The following CHD9 variants were observed in gnomAD, a reference collection of about 807,000 sequenced individuals.
CHD9 encodes the protein chromodomain helicase DNA binding protein 9, also known as ATP-dependent chromatin remodeler CHD9.
A neutral mutation model predicts 316.1 loss-of-function variants in CHD9; 77 were observed. The observed-to-expected ratio is 0.24, with a 90% CI of 0.20 to 0.29. The LOEUF is 0.29. CHD9 is among the 10% of genes least tolerant of loss of function. CHD9 has a pLI of 1.00. For synonymous variants in CHD9, 1,129 were observed against 1,158.3 expected, an observed-to-expected ratio of 0.97 and a Z score of 0.51; for missense variants, 2,763 against 3,438.1, an observed-to-expected ratio of 0.80 and a Z score of 4.91.
intron 34 of CHD9, chr16:53,310,848 T>C (rs1469513047): frequency 7.5e-6 from 1 of 134,028 alleles, no homozygotes; most frequent in African/African-American, 3.0e-5. Context: ...CGAAACCCTG[T>C]CTCAAAAACA....
At position 53,071,715 on chromosome 16, in the gene CHD9, G is replaced by A. The variant is rs768188061; in HGVS notation, c.-165+16638G>A. Among the ~76,000 whole-genome samples, 7 of 152,224 alleles carry A rather than the reference G, an allele frequency of 4.6e-5. 1 individual carries two copies. In the South Asian group the frequency reaches 8.3e-4, roughly 18 times the overall value. On this transcript the variant is annotated intron_variant, in intron 1 of 38. Coordinates refer to ENST00000447540, the MANE Select transcript of CHD9 (RefSeq NM_001308319.2). Reference sequence around the variant, plus strand: ...GCAGAAGAAAGAGAGCCATCAGCTCGCCCACCCCTCGGTCCTGCTCACCCT... The same window carrying A: ...GCAGAAGAAAGAGAGCCATCAGCTCACCCACCCCTCGGTCCTGCTCACCCT...
intron 1 of CHD9, among the ~76,000 whole-genome samples, chr16:53,081,757 A>T (rs2035035238): frequency 7.9e-6 from 1 of 126,334 alleles, no homozygotes; most frequent in East Asian, 2.0e-4. Flanking sequence ...TTGGCTAATT[A>T]AAAAAAAATT....
chr16:53,070,890 A>T (rs1322671398), intron 1 of CHD9, among the ~76,000 whole-genome samples: 1 of 152,130 alleles, frequency 6.6e-6, no homozygotes, highest in Non-Finnish European at 1.5e-5. Context: ...CATTGCTTTG[A>T]TTACTGTAGC....
intron 1 of CHD9, among the ~76,000 whole-genome samples, chr16:53,132,239 C>A (rs1456932054): frequency 1.3e-5 from 2 of 151,902 alleles, no homozygotes; most frequent in African/African-American, 4.8e-5. Flanking sequence ...TGGGATTTGA[C>A]GCTATTGTGA....
At chr16:53,089,903 C>T (rs1567319716) in intron 1 of CHD9, among the ~76,000 whole-genome samples, 2 of 152,210 alleles carry the variant, frequency 1.3e-5, no homozygotes, top group Admixed American at 6.5e-5. Context: ...GGGTACAAGA[C>T]TTGGTCTTCC....
Position 53,155,999 on chromosome 16 carries a change from C to A in CHD9, c.-91C>A. 1 of 1,225,988 alleles carries A rather than the reference C, an allele frequency of 8.2e-7. No individual in the cohort carries two copies. Among genetic ancestry groups the A allele is most frequent in the Non-Finnish European group, 1.1e-6 (1 of 887,312 alleles). 75.9% of individuals were successfully genotyped at this position (1,225,988 alleles called of 1,614,324 possible). Reference sequence around the variant, plus strand: ...TGACCTGTTTTGGATTAGTTGATGACCTTCGGAAATGATCCAATAATATCT... The same window carrying A: ...TGACCTGTTTTGGATTAGTTGATGAACTTCGGAAATGATCCAATAATATCT... On this transcript the variant is annotated 5_prime_UTR_variant, in exon 2 of 39. Coordinates refer to ENST00000447540, the MANE Select transcript of CHD9 (RefSeq NM_001308319.2).
rs767442053 is a variant in CHD9, at chr16:53,180,028, C to CTTT, written c.1452+22501_1452+22503dup. On this transcript the variant is annotated intron_variant, in intron 2 of 38. Coordinates refer to ENST00000447540, the MANE Select transcript of CHD9 (RefSeq NM_001308319.2). ...AGTTCTTGAATTGTTACCTTACCTT[C>CTTT]TTTTTTTTTTTTTTTTGAGACTGAG... Among the ~76,000 whole-genome samples, 778 of 135,556 alleles carry CTTT rather than the reference C, an allele frequency of 5.7e-3. 13 individuals carry two copies. Among genetic ancestry groups the CTTT allele is most frequent in the Middle Eastern group, 0.016 (4 of 254 alleles). 88.9% of individuals were successfully genotyped at this position (135,556 alleles called of 152,430 possible). A position where few individuals can be genotyped will look rare whatever the true frequency, so the allele number is the denominator to read the frequency against.
chr16:53,304,507 A>G lies in CHD9; in HGVS notation c.6501A>G (p.Ser2167=). Residue 2167 remains serine (S), a synonymous_variant, in exon 31 of 39, where the codon TCA becomes TCG. Coordinates refer to ENST00000447540, the MANE Select transcript of CHD9 (RefSeq NM_001308319.2). ...CTCGATCAGGCTCTAGTTCTTCTTC[A>G]TCTTCATCTTGTTCTTCAGCATCTT... is the stretch of plus-strand genomic sequence containing the variant. The part of the protein sequence containing the change: ...SHSRSGSSSS[S]SSSCSSASSS... The G allele has an allele frequency of 6.5e-7, 1 of 1,544,770 alleles. No homozygotes were observed.
At chr16:53,198,174 A>G (rs1458031549) in intron 2 of CHD9, among the ~76,000 whole-genome samples, 1 of 152,102 alleles carries the variant, frequency 6.6e-6, no homozygotes. Flanking sequence ...CATGCTGATG[A>G]AGAGTATTAT....
At chr16:53,143,358 T>TTTATTTA (rs2040280300) in intron 1 of CHD9, among the ~76,000 whole-genome samples, 1 of 137,982 alleles carries the variant, frequency 7.2e-6, no homozygotes, top group African/African-American at 2.7e-5. Context: ...TTTTATCTTA[T>TTTATTTA]TTTATTTATT....
intron 24 of CHD9, among the ~76,000 whole-genome samples, chr16:53,278,608 A>G (rs1233477924): frequency 1.3e-5 from 2 of 152,210 alleles, no homozygotes. Context: ...AATGCAATCT[A>G]CTTATCTGAC....
At chr16:53,146,242 A>T (rs895903892) in intron 1 of CHD9, among the ~76,000 whole-genome samples, 1 of 148,212 alleles carries the variant, frequency 6.7e-6, no homozygotes, top group Admixed American at 6.8e-5. Context: ...AAAAAAAAAA[A>T]ATTAGTCGGG....
intron 11 of CHD9, among the ~76,000 whole-genome samples, chr16:53,237,167 T>C (rs1046003270): frequency 1.3e-5 from 2 of 152,152 alleles, no homozygotes; most frequent in Non-Finnish European, 2.9e-5. Flanking sequence ...AACAACACAA[T>C]TCATTTAGTC....
intron 2 of CHD9, among the ~76,000 whole-genome samples, chr16:53,186,250 T>A (rs2043994445): frequency 6.6e-6 from 1 of 152,234 alleles, no homozygotes; most frequent in Non-Finnish European, 1.5e-5. Flanking sequence ...TGTATCAGCA[T>A]GCCCTGGATG....
At chr16:53,269,228 T>C (rs1476161924) in intron 22 of CHD9, among the ~76,000 whole-genome samples, 2 of 152,166 alleles carry the variant, frequency 1.3e-5, no homozygotes, top group African/African-American at 4.8e-5. Context: ...CTTTTTTGCA[T>C]GAAATAATTA....
chr16:53,228,644 A>G (rs2047887631), intron 7 of CHD9, among the ~76,000 whole-genome samples: 1 of 143,984 alleles, frequency 6.9e-6, no homozygotes, highest in East Asian at 2.1e-4. Context: ...AAAGCGTTTT[A>G]AATCACATTA....
chr16:53,321,472 CAA>C (rs1017844830), intron 37 of CHD9, 52 bp from the exon 38 acceptor site: 267 of 1,462,958 alleles, frequency 1.8e-4, no homozygotes, highest in Non-Finnish European at 2.2e-4. Context: ...TAAAAGCAAT[CAA>C]GAGTTTTCTA....
intron 2 of CHD9, among the ~76,000 whole-genome samples, chr16:53,160,855 C>G (rs191285558): frequency 1.3e-5 from 2 of 152,250 alleles, no homozygotes; most frequent in East Asian, 3.9e-4. Context: ...TGTGATGAGC[C>G]AAGATCACAC....
At chr16:53,289,457 G>A (rs2054151033) in intron 27 of CHD9, among the ~76,000 whole-genome samples, 1 of 152,094 alleles carries the variant, frequency 6.6e-6, no homozygotes, top group South Asian at 2.1e-4. Context: ...CAACAAACAG[G>A]TTAAACATTC....
Sources: gnomAD v4.1 joint callset for allele counts (sites outside exome capture counted in the v4.1 genomes callset) on GRCh38, gnomAD v4.1.1 for gene constraint, MANE v1.5 for transcripts, NCBI Gene and HGNC (gene_info 2026-07-23, HGNC 2026-07-21) for gene names.